Variants in MDM1 observed in about 807,000 individuals in gnomAD.
MDM1 encodes stabilizer of axonemal microtubules 6.
A neutral mutation model predicts 89.1 loss-of-function variants in MDM1; 61 were observed. The observed-to-expected ratio is 0.68, with a 90% CI of 0.56 to 0.85. The LOEUF (loss-of-function observed/expected upper bound fraction) is 0.85. MDM1 is among the 40% of genes least tolerant of loss of function. The pLI is 0.00. For synonymous variants in MDM1, 290 were observed against 294.1 expected (o/e 0.99, Z 0.14); for missense variants, 820 against 846.5 (o/e 0.97, Z 0.39).
intron 12 of MDM1, 114 bp from the exon 13 acceptor site, chr12:68,302,986 G>GACAA: frequency 3.6e-6 from 2 of 553,390 alleles, no homozygotes; most frequent in Non-Finnish European, 2.9e-6. Flanking sequence ...AGAAATATGA[G>GACAA]AGAATTTATG....
At chr12:68,304,129 G>T (rs1341676603) in intron 12 of MDM1, among the ~76,000 whole-genome samples, 8 of 151,952 alleles carry the variant, frequency 5.3e-5, no homozygotes, top group African/African-American at 1.9e-4. Flanking sequence ...AATAAAAATG[G>T]TCCAGGTGCA....
chr12:68,327,393 C>G (rs1015837256), intron 2 of MDM1: 117 of 1,535,376 alleles, frequency 7.6e-5, no homozygotes, highest in Non-Finnish European at 9.7e-5. Flanking sequence ...AACAATGGGC[C>G]CTGGTACTGT....
intron 7 of MDM1, chr12:68,321,066 A>C: frequency 3.5e-6 from 1 of 289,714 alleles, no homozygotes; most frequent in Non-Finnish European, 6.3e-6. Context: ...ATCTATAATG[A>C]TACAATTCTA....
intron 5 of MDM1, among the ~76,000 whole-genome samples, chr12:68,322,366 C>G (rs1022509955): frequency 1.3e-5 from 2 of 152,176 alleles, no homozygotes; most frequent in African/African-American, 4.8e-5. Flanking sequence ...GGTGTGGTGG[C>G]TCACACCTGT....
intron 2 of MDM1, 65 bp from the exon 3 acceptor site, chr12:68,327,086 G>C: frequency 6.6e-7 from 1 of 1,505,908 alleles, no homozygotes; most frequent in Non-Finnish European, 8.8e-7. Context: ...CAACTTTTAA[G>C]AACACTTGTG....
chr12:68,311,883 T>C (rs1873741185), intron 12 of MDM1, among the ~76,000 whole-genome samples: 1 of 152,204 alleles, frequency 6.6e-6, no homozygotes, highest in South Asian at 2.1e-4. Context: ...AAAACTGCCC[T>C]TTATCAAGGT....
At chr12:68,331,318 G>A (rs1876783201) in intron 1 of MDM1, 97 bp from the exon 2 acceptor site, 3 of 759,304 alleles carry the variant, frequency 4.0e-6, no homozygotes, top group Non-Finnish European at 4.7e-6. Context: ...TCCCAAAAGA[G>A]ACTTAAGACT....
intron 14 of MDM1, among the ~76,000 whole-genome samples, chr12:68,296,097 G>T (rs1351309447): frequency 6.6e-6 from 1 of 152,184 alleles, no homozygotes; most frequent in Admixed American, 6.5e-5. Flanking sequence ...TTCAAACTTT[G>T]TAAGTTCAGT....
chr12:68,317,015 T>C (rs1439739166), intron 7 of MDM1, among the ~76,000 whole-genome samples: 1 of 152,002 alleles, frequency 6.6e-6, no homozygotes, highest in Non-Finnish European at 1.5e-5. Context: ...AATATTCCCT[T>C]GGAATCAGCA....
chr12:68,298,537 C>T (rs1255495346), intron 13 of MDM1, among the ~76,000 whole-genome samples: 2 of 152,188 alleles, frequency 1.3e-5, no homozygotes, highest in African/African-American at 2.4e-5. Flanking sequence ...ATGAGTGTGC[C>T]TATAGACAGC....
intron 2 of MDM1, among the ~76,000 whole-genome samples, chr12:68,329,300 C>G (rs1390000303): frequency 6.6e-6 from 1 of 152,198 alleles, no homozygotes; most frequent in African/African-American, 2.4e-5. Context: ...CTAAAAGAGA[C>G]ACTCACTCTT....
chr12:68,313,476 A>G lies in MDM1; in HGVS notation c.1716T>C (p.Asp572=). ...AATCATTCTTTGAAGTTTCTAAACA[A>G]TCCTGAGAGGTCATTCTTTTCCTCT... ...PEQRKRMTSQ[D]CLETSKNDFT... The change falls in exon 12 of 15, where the codon GAT becomes GAC. Residue 572 remains aspartate, a synonymous_variant. Coordinates refer to ENST00000682720, the MANE Select transcript of MDM1 (RefSeq NM_001354969.2). 6.2e-7 allele frequency: 1 copy of G among 1,614,042 alleles called. No homozygotes were observed. The highest frequency in any genetic ancestry group is 8.5e-7 in the Non-Finnish European group (1 of 1,179,870).
intron 12 of MDM1, among the ~76,000 whole-genome samples, chr12:68,304,251 TA>T (rs146956734): frequency 6.0e-5 from 9 of 151,102 alleles, no homozygotes; most frequent in South Asian, 2.1e-4. Flanking sequence ...TCTATTTATT[TA>T]AAAAAAAAAT....
intron 14 of MDM1, among the ~76,000 whole-genome samples, chr12:68,296,447 G>A (rs991783127): frequency 1.3e-5 from 2 of 152,182 alleles, no homozygotes; most frequent in Admixed American, 6.5e-5. Flanking sequence ...GCAGTGAGCC[G>A]AGATCATGCC....
At chr12:68,302,930 T>C (rs926324390) in intron 12 of MDM1, 58 bp from the exon 13 acceptor site, 1 of 1,401,756 alleles carries the variant, frequency 7.1e-7, no homozygotes, top group African/African-American at 1.7e-5. Context: ...TGTAAATAAA[T>C]AAGCCAAACA....
intron 4 of MDM1, among the ~76,000 whole-genome samples, chr12:68,324,720 A>G (rs1875713365): frequency 6.6e-6 from 1 of 152,190 alleles, no homozygotes; most frequent in Non-Finnish European, 1.5e-5. Flanking sequence ...AGACTAAGCC[A>G]TTACAGGTCT....
chr12:68,313,150 C>T (rs562715765), intron 12 of MDM1, among the ~76,000 whole-genome samples: 1 of 152,290 alleles, frequency 6.6e-6, no homozygotes, highest in Non-Finnish European at 1.5e-5. Context: ...TAAAACAATG[C>T]CTGGAACATA....
rs745473547 is a variant in MDM1, at chr12:68,326,842, C to G, written c.313G>C (p.Glu105Gln). The change falls in exon 3 of 15, where the codon GAA becomes CAA. Residue 105 changes from glutamate (E) to glutamine (Q), a missense_variant. Glu to Gln is a conservative substitution (Grantham distance 29). Coordinates refer to ENST00000682720, the MANE Select transcript of MDM1 (RefSeq NM_001354969.2). ...GAAGCTTCTAGTGAGTGAACTCTTT[C>G]TTGAGTAACATCCTTTTGTTCTGCT... ...QEAEQKDVTQERVHSLEASRV... is the reference protein window; with the variant it reads ...QEAEQKDVTQQRVHSLEASRV... 4.3e-6 allele frequency: 7 copies of G among 1,613,824 alleles called. No homozygotes were observed. The highest frequency in any genetic ancestry group is 2.7e-5 in the African/African-American group (2 of 74,910).
chr12:68,310,708 T>C (rs1026597657), intron 12 of MDM1, among the ~76,000 whole-genome samples: 2 of 152,206 alleles, frequency 1.3e-5, no homozygotes, highest in Admixed American at 6.5e-5. Flanking sequence ...GACTCTGTTC[T>C]AAGCACTGGG....
Sources: gnomAD v4.1 joint callset for allele counts (sites outside exome capture counted in the v4.1 genomes callset) on GRCh38, gnomAD v4.1.1 for gene constraint, MANE v1.5 for transcripts, NCBI Gene and HGNC (gene_info 2026-07-23, HGNC 2026-07-21) for gene names.